THSD7B: variants seen among roughly 807,000 people sequenced by gnomAD.
THSD7B encodes thrombospondin type 1 domain containing 7B.
Under a neutral mutation model 213.6 loss-of-function variants are expected in THSD7B, and 138 were observed. That is an observed-to-expected ratio of 0.65 (90% CI 0.56 to 0.74). The LOEUF is 0.74. Among genes scored for constraint, THSD7B ranks in the 30% least tolerant of loss-of-function variants. THSD7B has a pLI of 0.00. For missense variants in THSD7B, 1,931 were observed against 1,991.5 expected (o/e 0.97, Z 0.58); for synonymous variants, 742 against 687.0 (o/e 1.08, Z -1.25).
intron 2 of THSD7B, among the ~76,000 whole-genome samples, chr2:136,989,730 G>A (rs1042376252): frequency 4.6e-5 from 7 of 152,198 alleles, no homozygotes; most frequent in Non-Finnish European, 7.3e-5. Context: ...GCTGGAACCC[G>A]TGGAAGGGAA....
intron 3 of THSD7B, among the ~76,000 whole-genome samples, chr2:137,058,272 G>A (rs1687205655): frequency 6.6e-6 from 1 of 152,066 alleles, no homozygotes; most frequent in South Asian, 2.1e-4. Context: ...AGAGTGATTT[G>A]CAGCTTTTTA....
At chr2:137,372,618 G>A (rs977887582) in intron 12 of THSD7B, among the ~76,000 whole-genome samples, 4 of 152,046 alleles carry the variant, frequency 2.6e-5, no homozygotes, top group African/African-American at 9.7e-5. Flanking sequence ...ATTAAGCTTT[G>A]TCTGGAGAAT....
intron 4 of THSD7B, among the ~76,000 whole-genome samples, chr2:137,110,680 G>C (rs1688332256): frequency 6.6e-6 from 1 of 152,176 alleles, no homozygotes; most frequent in Non-Finnish European, 1.5e-5. Context: ...GCATCTTTTA[G>C]TGGGAATTTG....
intron 12 of THSD7B, among the ~76,000 whole-genome samples, chr2:137,364,150 A>G (rs1200491300): frequency 6.6e-6 from 1 of 152,248 alleles, no homozygotes; most frequent in African/African-American, 2.4e-5. Flanking sequence ...CCACATGATT[A>G]TCTCAAAAGA....
chr2:137,580,320 A>C (rs375961063), intron 17 of THSD7B, among the ~76,000 whole-genome samples: 38 of 152,184 alleles, frequency 2.5e-4, no homozygotes, highest in African/African-American at 8.2e-4. Flanking sequence ...GTTTTCTTCC[A>C]TCTGTGTATC....
chr2:137,174,336 C>T (rs981212509), intron 7 of THSD7B, among the ~76,000 whole-genome samples: 1 of 152,126 alleles, frequency 6.6e-6, no homozygotes, highest in Non-Finnish European at 1.5e-5. Flanking sequence ...GTTGGGTGTC[C>T]TTGTTAGCTG....
At chr2:137,280,935 C>T (rs1191007905) in intron 12 of THSD7B, among the ~76,000 whole-genome samples, 1 of 152,054 alleles carries the variant, frequency 6.6e-6, no homozygotes, top group Non-Finnish European at 1.5e-5. Context: ...ACTTAATGGA[C>T]TTTCCAGTAT....
chr2:136,862,331 T>C (rs1217544029), intron 1 of THSD7B, among the ~76,000 whole-genome samples: 1 of 152,206 alleles, frequency 6.6e-6, no homozygotes, highest in African/African-American at 2.4e-5. Context: ...ATCAGCTCTA[T>C]GTCCAGGATC....
At chr2:137,566,373 A>C (rs1316000559) in intron 16 of THSD7B, among the ~76,000 whole-genome samples, 1 of 152,184 alleles carries the variant, frequency 6.6e-6, no homozygotes, top group East Asian at 1.9e-4. Flanking sequence ...GTCTGTTGAC[A>C]AGGAGATAGG....
intron 15 of THSD7B, among the ~76,000 whole-genome samples, chr2:137,553,354 C>G (rs984183727): frequency 6.6e-6 from 1 of 152,136 alleles, no homozygotes; most frequent in Non-Finnish European, 1.5e-5. Flanking sequence ...AACCCTATGG[C>G]TCTGACACAC....
At chr2:137,571,989 C>T (rs1681363941) in intron 16 of THSD7B, among the ~76,000 whole-genome samples, 1 of 152,112 alleles carries the variant, frequency 6.6e-6, no homozygotes, top group South Asian at 2.1e-4. Context: ...AAGAAAGCCA[C>T]AGGAAGTAGG....
intron 12 of THSD7B, among the ~76,000 whole-genome samples, chr2:137,404,568 CT>C (rs1686464668): frequency 6.9e-6 from 1 of 144,094 alleles, no homozygotes; most frequent in Admixed American, 7.0e-5. Flanking sequence ...TATACACACA[CT>C]ATATATATAC....
chr2:137,367,868 C>T (rs1685456091), intron 12 of THSD7B, among the ~76,000 whole-genome samples: 1 of 152,124 alleles, frequency 6.6e-6, no homozygotes. Context: ...TCATGACGTT[C>T]CCACCCTCAT....
At chr2:137,352,151 T>G (rs1297906777) in intron 12 of THSD7B, among the ~76,000 whole-genome samples, 4 of 148,170 alleles carry the variant, frequency 2.7e-5, no homozygotes, top group Admixed American at 6.8e-5. Flanking sequence ...GGGGCAGGGG[T>G]GAGGGGAGAA....
chr2:136,891,006 A>T (rs936661554), intron 2 of THSD7B, among the ~76,000 whole-genome samples: 1 of 150,500 alleles, frequency 6.6e-6, no homozygotes, highest in Non-Finnish European at 1.5e-5. Flanking sequence ...TAATGTCTAA[A>T]TTTTTTTTCT....
chr2:137,299,770 A>G (rs976912634), intron 12 of THSD7B, among the ~76,000 whole-genome samples: 20 of 152,162 alleles, frequency 1.3e-4, no homozygotes, highest in African/African-American at 4.8e-4. Context: ...TTAACTATGA[A>G]TAGTTGCTAT....
At chr2:137,492,292 C>G (rs544926647) in intron 15 of THSD7B, among the ~76,000 whole-genome samples, 1 of 152,176 alleles carries the variant, frequency 6.6e-6, no homozygotes, top group Admixed American at 6.5e-5. Flanking sequence ...CATCTTATAC[C>G]TATTTTCCAG....
intron 10 of THSD7B, among the ~76,000 whole-genome samples, chr2:137,265,419 A>T (rs1240073212): frequency 1.3e-5 from 2 of 152,184 alleles, no homozygotes; most frequent in East Asian, 1.9e-4. Context: ...TTCCTCAGGG[A>T]TCTAGAACTA....
At chr2:136,906,320 TG>T (rs1374383031) in intron 2 of THSD7B, 2 of 152,156 alleles carry the variant, frequency 1.3e-5, no homozygotes, top group Non-Finnish European at 2.9e-5. Flanking sequence ...AGTATATTTG[TG>T]TGTGTTTGTG....
Sources: gnomAD v4.1 joint callset for allele counts (sites outside exome capture counted in the v4.1 genomes callset) on GRCh38, gnomAD v4.1.1 for gene constraint, MANE v1.5 for transcripts, NCBI Gene and HGNC (gene_info 2026-07-23, HGNC 2026-07-21) for gene names.